The following CSMD1 variants were observed in gnomAD, a reference collection of about 807,000 sequenced individuals.
CSMD1 encodes CUB and sushi domain-containing protein 1.
A neutral mutation model predicts 417.5 loss-of-function variants in CSMD1; 213 were observed. The observed-to-expected ratio is 0.51, with a 90% confidence interval of 0.46 to 0.57. The LOEUF (loss-of-function observed/expected upper bound fraction) is 0.57. Among genes scored for constraint, CSMD1 ranks in the 20% least tolerant of loss-of-function variants. CSMD1 has a pLI of 0.00. For missense variants in CSMD1, 6,923 were observed against 4,529.7 expected, an observed-to-expected ratio of 1.53 and a Z score of -15.17; for synonymous variants, 2,862 against 1,736.8, an observed-to-expected ratio of 1.65 and a Z score of -16.11.
At chr8:3,939,169 T>G (rs988190923) in intron 5 of CSMD1, among the ~76,000 whole-genome samples, 9 of 152,126 alleles carry the variant, frequency 5.9e-5, no homozygotes, top group Admixed American at 3.9e-4. Flanking sequence ...TAACATAGTT[T>G]CTGAGTGACA....
At chr8:4,827,716 C>G (rs916640106) in intron 1 of CSMD1, among the ~76,000 whole-genome samples, 2 of 152,070 alleles carry the variant, frequency 1.3e-5, no homozygotes, top group Admixed American at 6.6e-5. Flanking sequence ...ATCTGTAGAT[C>G]TAAAAAGAAT....
chr8:4,078,927 ATATATATATATATATG>A lies in CSMD1; in HGVS notation c.416-46844_416-46829del, dbSNP rs1399501952. On this transcript the variant is annotated intron_variant, in intron 3 of 69. Transcript: ENST00000635120. ...TATATATATATATATATATATATAT[ATATATATATATATATG>A]TATGTTGAAAAGCTATCTTCTCTTC... Among the ~76,000 whole-genome samples the A allele has an allele frequency of 9.6e-3, 246 of 25,568 alleles. 2 individuals carry two copies. The highest frequency in any genetic ancestry group is 0.012 in the Non-Finnish European group (101 of 8,394). 16.8% of individuals were successfully genotyped at this position (25,568 alleles called of 152,430 possible).
At chr8:3,691,633 G>A (rs1041712373) in intron 7 of CSMD1, among the ~76,000 whole-genome samples, 1 of 152,128 alleles carries the variant, frequency 6.6e-6, no homozygotes, top group African/African-American at 2.4e-5. Flanking sequence ...ACAACTGACA[G>A]TGTTCCTAAG....
chr8:3,817,252 CTTTTTTTTTTTTTTTTTTTTTTTTTTTT>C (rs767668610), intron 5 of CSMD1, among the ~76,000 whole-genome samples: 14 of 54,420 alleles, frequency 2.6e-4, no homozygotes, highest in Admixed American at 6.2e-4. Context: ...TCTTCTTCTT[CTTTTTTTTTTTTTTTTTTTTTTTTTTTT>C]TTTTTTTTTT....
At chr8:3,674,602 A>T (rs1799274868) in intron 7 of CSMD1, among the ~76,000 whole-genome samples, 1 of 151,918 alleles carries the variant, frequency 6.6e-6, no homozygotes, top group Admixed American at 6.6e-5. Context: ...TTATAACTCC[A>T]GATTCTAGAT....
chr8:4,004,811 C>A (rs974712016), intron 4 of CSMD1, among the ~76,000 whole-genome samples: 1 of 152,154 alleles, frequency 6.6e-6, no homozygotes, highest in African/African-American at 2.4e-5. Flanking sequence ...GTGGCGCGAT[C>A]TTGGCTCACT....
intron 1 of CSMD1, among the ~76,000 whole-genome samples, chr8:4,716,350 C>T (rs1808658880): frequency 1.3e-5 from 2 of 152,166 alleles, no homozygotes; most frequent in African/African-American, 2.4e-5. Flanking sequence ...AGAAAACAGG[C>T]ATGACATCAA....
intron 3 of CSMD1, among the ~76,000 whole-genome samples, chr8:4,363,962 G>C (rs372883766): frequency 7.3e-4 from 111 of 152,250 alleles, no homozygotes; most frequent in African/African-American, 2.6e-3. Flanking sequence ...GAAAGAATGA[G>C]TAAGACCTAC....
At chr8:3,898,879 C>T (rs549603238) in intron 5 of CSMD1, among the ~76,000 whole-genome samples, 1 of 152,150 alleles carries the variant, frequency 6.6e-6, no homozygotes, top group East Asian at 1.9e-4. Context: ...TCTGTTGGTC[C>T]CCTTAGGGGT....
intron 2 of CSMD1, among the ~76,000 whole-genome samples, chr8:4,637,088 G>T (rs2617005): frequency 0.61 from 92,375 of 151,594 alleles, 28,445 homozygotes; most frequent in Admixed American, 0.73. Flanking sequence ...GGTCTCCCTT[G>T]CTGTGCTGTG....
chr8:4,441,495 C>G (rs1276558417), intron 2 of CSMD1, among the ~76,000 whole-genome samples: 2 of 152,058 alleles, frequency 1.3e-5, no homozygotes, highest in African/African-American at 2.4e-5. Context: ...AGGTATTTTA[C>G]AGAGAGAGAA....
At chr8:3,715,607 A>T (rs745943690) in intron 6 of CSMD1, among the ~76,000 whole-genome samples, 2 of 152,246 alleles carry the variant, frequency 1.3e-5, no homozygotes, top group African/African-American at 4.8e-5. Context: ...CAGTGACACA[A>T]TCTGGACTCA....
At chr8:3,423,800 T>C (rs1187073046) in intron 12 of CSMD1, among the ~76,000 whole-genome samples, 2 of 152,346 alleles carry the variant, frequency 1.3e-5, no homozygotes, top group African/African-American at 4.8e-5. Context: ...TTTTGGTGAA[T>C]GGGTACTCCC....
chr8:3,933,315 T>C (rs1810279750), intron 5 of CSMD1, among the ~76,000 whole-genome samples: 1 of 152,218 alleles, frequency 6.6e-6, no homozygotes, highest in Non-Finnish European at 1.5e-5. Context: ...ATTTGTTAAC[T>C]GAAGCTTTCA....
intron 3 of CSMD1, among the ~76,000 whole-genome samples, chr8:4,286,107 G>A (rs955871422): frequency 6.6e-6 from 1 of 151,938 alleles, no homozygotes; most frequent in Non-Finnish European, 1.5e-5. Context: ...TTATGTGACC[G>A]TTCACGTTAA....
intron 7 of CSMD1, among the ~76,000 whole-genome samples, chr8:3,632,450 C>A (rs1796832660): frequency 6.6e-6 from 1 of 152,018 alleles, no homozygotes; most frequent in African/African-American, 2.4e-5. Context: ...ATGAGAAAAA[C>A]ACCAAAAGTG....
intron 3 of CSMD1, among the ~76,000 whole-genome samples, chr8:4,210,743 C>G (rs142737829): frequency 6.6e-6 from 1 of 152,128 alleles, no homozygotes; most frequent in African/African-American, 2.4e-5. Flanking sequence ...AAATCTTCAA[C>G]ATACTGAAAT....
chr8:4,674,084 C>T (rs190789428), intron 1 of CSMD1, among the ~76,000 whole-genome samples: 1 of 152,244 alleles, frequency 6.6e-6, no homozygotes, highest in African/African-American at 2.4e-5. Flanking sequence ...CACTTATATG[C>T]ATTATTCTCT....
chr8:4,543,258 G>C (rs943206723), intron 2 of CSMD1, among the ~76,000 whole-genome samples: 4 of 152,112 alleles, frequency 2.6e-5, no homozygotes, highest in African/African-American at 9.7e-5. Context: ...ACATCTGACG[G>C]TGTGGACTGC....
Sources: allele counts gnomAD v4.1 joint callset (sites outside exome capture counted in the v4.1 genomes callset), GRCh38; gene constraint gnomAD v4.1.1; transcripts MANE v1.5; gene names NCBI Gene and HGNC (gene_info 2026-07-23, HGNC 2026-07-21).